CIT: variants seen among roughly 807,000 people sequenced by gnomAD.
CIT encodes the protein citron Rho-interacting kinase.
A neutral mutation model predicts 272.7 loss-of-function variants in CIT; 79 were observed. That is an observed-to-expected ratio of 0.29 (90% CI 0.24 to 0.35). The LOEUF (loss-of-function observed/expected upper bound fraction) is 0.35, where lower values mean the gene tolerates loss of function less well. CIT is among the 10% of genes least tolerant of loss of function. The pLI is 1.00. For synonymous variants in CIT, 948 were observed against 995.6 expected, an observed-to-expected ratio of 0.95 and a Z score of 0.90; for missense variants, 1,909 against 2,618.3, an observed-to-expected ratio of 0.73 and a Z score of 5.91.
rs1441517914 is a variant in CIT at position 119,697,155 on chromosome 12, C to T, written c.5882+504G>A. ...GAGCACCCCTCACTGGTCTCCCTGC[C>T]CCCACCTCGTATCTGATGGGAAATC... On this transcript the variant is annotated intron_variant, in intron 46 of 47. Coordinates refer to ENST00000392521, the MANE Select transcript of CIT (RefSeq NM_001206999.2). The surrounding 1 kb of genome is among the most constrained non-coding windows in gnomAD (Gnocchi z 4.9). Among the ~76,000 whole-genome samples, 3 of 152,074 alleles carry T rather than the reference C, an allele frequency of 2.0e-5. No homozygotes were observed. The highest frequency in any genetic ancestry group is 2.9e-5 in the Non-Finnish European group (2 of 68,018).
chr12:119,731,273 G>A (rs531047464), intron 26 of CIT, among the ~76,000 whole-genome samples: 62 of 150,708 alleles, frequency 4.1e-4, no homozygotes, highest in Admixed American at 1.4e-3. Context: ...TCAAGAGTTC[G>A]AGACCAGCCT....
At chr12:119,864,021 T>G (rs1291370903) in intron 3 of CIT, among the ~76,000 whole-genome samples, 1 of 152,064 alleles carries the variant, frequency 6.6e-6, no homozygotes, top group Admixed American at 6.6e-5. Flanking sequence ...TTCTATTGTT[T>G]ATAAATTGCC....
intron 4 of CIT, among the ~76,000 whole-genome samples, chr12:119,854,977 A>G (rs1970492723): frequency 6.6e-6 from 1 of 152,126 alleles, no homozygotes; most frequent in African/African-American, 2.4e-5. Flanking sequence ...TAATAAAGTT[A>G]ACTGGGTGTG....
At chr12:119,831,311 A>T (rs1434429224) in intron 7 of CIT, among the ~76,000 whole-genome samples, 1 of 152,236 alleles carries the variant, frequency 6.6e-6, no homozygotes, top group African/African-American at 2.4e-5. Context: ...ATAGCAATAT[A>T]ATCTAATTCT....
At chr12:119,693,198 T>C (rs1459803406) in intron 46 of CIT, among the ~76,000 whole-genome samples, 1 of 152,146 alleles carries the variant, frequency 6.6e-6, no homozygotes, top group Non-Finnish European at 1.5e-5. Context: ...CATCTCCTTA[T>C]CCATTAATGA....
rs114837665 is a variant in CIT, at chr12:119,755,692, T to C, written c.2706+1679A>G. On this transcript the variant is annotated intron_variant, in intron 22 of 47. Coordinates refer to ENST00000392521, the MANE Select transcript of CIT (RefSeq NM_001206999.2). ...CGCCACTGTAGACCCAGGCTACAAA[T>C]TGGCACACAGCAGACATCTGACAAA... Among the ~76,000 whole-genome samples, 638 of 152,286 alleles carry C rather than the reference T, an allele frequency of 4.2e-3. 3 individuals carry two copies. The highest frequency in any genetic ancestry group is 0.015 in the African/African-American group (604 of 41,544).
At position 119,766,189 on chromosome 12, in the gene CIT, T is replaced by C. The variant is rs1962436931; in HGVS notation, c.2304+898A>G. On this transcript the variant is annotated intron_variant, in intron 19 of 47. Coordinates refer to ENST00000392521, the MANE Select transcript of CIT (RefSeq NM_001206999.2). ...CACCATGGCACACGTCGTTTACCTA[T>C]GTAACAAACCTGCACATCCTGCACA... 2.0e-5 allele frequency among the ~76,000 whole-genome samples: 3 copies of C among 151,774 alleles called. No homozygotes were observed. In the South Asian group the frequency reaches 6.2e-4, roughly 31 times the overall value.
intron 32 of CIT, 111 bp from the exon 33 acceptor site, chr12:119,714,445 T>A: frequency 1.8e-6 from 2 of 1,125,178 alleles, no homozygotes; most frequent in African/African-American, 3.1e-5. Context: ...AAATCTCTGA[T>A]AAGGGACTCA....
Position 119,686,704 on chromosome 12 carries a change from G to A in CIT, c.*1528C>T, listed in dbSNP as rs1955596759. ...GAGGACCCAAAGCAACAGATGCCTTGTGGGAGATTAAAGGCAGAAATAAGG... is the reference window on the plus strand; with the variant it reads ...GAGGACCCAAAGCAACAGATGCCTTATGGGAGATTAAAGGCAGAAATAAGG... On this transcript the variant is annotated 3_prime_UTR_variant, in exon 48 of 48. Coordinates refer to ENST00000392521, the MANE Select transcript of CIT (RefSeq NM_001206999.2). The A allele has an allele frequency of 6.6e-6, 1 of 152,454 alleles. No individual in the cohort carries two copies. The highest frequency in any genetic ancestry group is 2.1e-4 in the South Asian group (1 of 4,834). The allele number at this position is 152,454 out of a possible 1,614,324, so 9.4% of individuals were successfully genotyped here. A position where few individuals can be genotyped will look rare whatever the true frequency, so the allele number is the denominator to read the frequency against.
intron 13 of CIT, among the ~76,000 whole-genome samples, chr12:119,777,209 C>A (rs1429812328): frequency 6.6e-6 from 1 of 151,112 alleles, no homozygotes; most frequent in Non-Finnish European, 1.5e-5. Context: ...GAGCCGAGAT[C>A]GCGCCACTGC....
At chr12:119,871,011 C>T (rs1950658620) in intron 2 of CIT, among the ~76,000 whole-genome samples, 1 of 151,544 alleles carries the variant, frequency 6.6e-6, no homozygotes, top group Admixed American at 6.6e-5. Flanking sequence ...CCCAGCTACT[C>T]GGGAGGCTGG....
chr12:119,763,700 T>C (rs1031731626), intron 19 of CIT, among the ~76,000 whole-genome samples: 1 of 152,108 alleles, frequency 6.6e-6, no homozygotes, highest in Admixed American at 6.6e-5. Context: ...ATCACAAAAA[T>C]TGAAATCCCC....
At chr12:119,702,797 C>G (rs946287536) in intron 41 of CIT, among the ~76,000 whole-genome samples, 1 of 152,006 alleles carries the variant, frequency 6.6e-6, no homozygotes, top group Non-Finnish European at 1.5e-5. Context: ...AATACAACAA[C>G]TATTAACAGT....
chr12:119,772,544 G>C (rs1216940102), intron 17 of CIT, among the ~76,000 whole-genome samples: 1 of 152,158 alleles, frequency 6.6e-6, no homozygotes, highest in Non-Finnish European at 1.5e-5. Flanking sequence ...AAAATAAACA[G>C]AAAGAAAAAA....
intron 47 of CIT, among the ~76,000 whole-genome samples, chr12:119,689,456 T>C (rs541404396): frequency 1.4e-4 from 21 of 152,050 alleles, no homozygotes; most frequent in African/African-American, 4.8e-4. Context: ...GAAAAAAGCA[T>C]GCAACATTTC....
At chr12:119,824,808 G>GT (rs1216901730) in intron 8 of CIT, among the ~76,000 whole-genome samples, 12 of 151,922 alleles carry the variant, frequency 7.9e-5, no homozygotes, top group Admixed American at 5.9e-4. Flanking sequence ...GTTTTGTTTT[G>GT]TTTTTTAGAC....
rs747910329 is a variant in CIT, at chr12:119,698,089, A to G, written c.5624-35T>C. 10 of 1,586,164 alleles carry G rather than the reference A, an allele frequency of 6.3e-6. No individual in the cohort carries two copies. The African/African-American group carries it at 1.1e-4, about 17-fold the overall frequency. On this transcript the variant is annotated intron_variant, in intron 44 of 47. Coordinates refer to ENST00000392521, the MANE Select transcript of CIT (RefSeq NM_001206999.2). ...CACCATGCAGGCACAGTGTGGGCCA[A>G]AGAATGGTGAAAAGAGGGAAAATCA...
At chr12:119,775,521 G>C (rs1272094284) in intron 16 of CIT, among the ~76,000 whole-genome samples, 2 of 152,166 alleles carry the variant, frequency 1.3e-5, no homozygotes, top group Non-Finnish European at 2.9e-5. Flanking sequence ...AGGCCTCTTG[G>C]GTTCTGTCGT....
intron 40 of CIT, among the ~76,000 whole-genome samples, 167 bp from the exon 41 acceptor site, chr12:119,704,622 C>T (rs1956777007): frequency 6.6e-6 from 1 of 152,180 alleles, no homozygotes; most frequent in East Asian, 1.9e-4. Context: ...AGCAGTATCC[C>T]TGGCCTTGAC....
Sources: allele counts gnomAD v4.1 joint callset (sites outside exome capture counted in the v4.1 genomes callset), GRCh38; gene constraint gnomAD v4.1.1; non-coding constraint Gnocchi (gnomAD v3.1); transcripts MANE v1.5; gene names NCBI Gene and HGNC (gene_info 2026-07-23, HGNC 2026-07-21).